The following VPS53 variants were observed in gnomAD, a reference collection of about 807,000 sequenced individuals.
The protein encoded by VPS53 is vacuolar protein sorting-associated protein 53 homolog.
In VPS53, 70 loss-of-function variants were observed where a neutral mutation model predicts 107.0. The observed-to-expected ratio is 0.65, with a 90% confidence interval of 0.54 to 0.80. The LOEUF (loss-of-function observed/expected upper bound fraction) is 0.80, where lower values mean the gene tolerates loss of function less well. Among genes scored for constraint, VPS53 ranks in the 30% least tolerant of loss-of-function variants. The pLI is 0.00. For synonymous variants in VPS53, 409 were observed against 393.3 expected, an observed-to-expected ratio of 1.04 and a Z score of -0.47; for missense variants, 917 against 1,049.4, an observed-to-expected ratio of 0.87 and a Z score of 1.74.
chr17:704,855 T>C (rs1973340802), intron 2 of VPS53, among the ~76,000 whole-genome samples: 1 of 152,246 alleles, frequency 6.6e-6, no homozygotes. Context: ...CTTCTTTTTG[T>C]TTTGGTGAAT....
intron 2 of VPS53, among the ~76,000 whole-genome samples, chr17:704,946 G>A (rs1973343467): frequency 6.6e-6 from 1 of 152,096 alleles, no homozygotes; most frequent in Non-Finnish European, 1.5e-5. Context: ...CATACAAAAT[G>A]ATGAGCTATA....
At chr17:709,528 C>T (rs992605237) in intron 2 of VPS53, among the ~76,000 whole-genome samples, 13 of 152,134 alleles carry the variant, frequency 8.5e-5, no homozygotes, top group African/African-American at 2.4e-4. Flanking sequence ...GTTTCCTTAC[C>T]GCACTGTCCC....
chr17:596,424 C>G (rs556595111), intron 12 of VPS53, among the ~76,000 whole-genome samples: 1 of 152,274 alleles, frequency 6.6e-6, no homozygotes, highest in African/African-American at 2.4e-5. Flanking sequence ...TGAGGCCCCA[C>G]AGGACACTCA....
intron 7 of VPS53, among the ~76,000 whole-genome samples, chr17:643,754 G>C (rs377144): frequency 1.4e-5 from 2 of 143,728 alleles, no homozygotes; most frequent in African/African-American, 2.6e-5. Context: ...TACTTGGAAA[G>C]CGAGGACAAC....
intron 2 of VPS53, among the ~76,000 whole-genome samples, chr17:702,168 C>G (rs1040271945): frequency 6.6e-6 from 1 of 152,008 alleles, no homozygotes; most frequent in African/African-American, 2.4e-5. Context: ...ACCTGGACAA[C>G]GTGGTGAAAC....
chr17:619,593 C>T (rs1597390787), intron 11 of VPS53, among the ~76,000 whole-genome samples: 1 of 107,464 alleles, frequency 9.3e-6, no homozygotes, highest in East Asian at 2.8e-4. Context: ...GCTAATATTT[C>T]CCGGGTAGCT....
chr17:664,126 T>C (rs1971582523), intron 4 of VPS53, among the ~76,000 whole-genome samples: 1 of 152,120 alleles, frequency 6.6e-6, no homozygotes, highest in African/African-American at 2.4e-5. Flanking sequence ...TTGCCCAGGC[T>C]AGAGTTAAGT....
At chr17:590,589 A>C (rs1445143031) in intron 12 of VPS53, among the ~76,000 whole-genome samples, 11 of 150,794 alleles carry the variant, frequency 7.3e-5, no homozygotes, top group Non-Finnish European at 1.0e-4. Context: ...TAGCATGAAG[A>C]GTTGTTGAAT....
At chr17:704,324 CCAGACAACCG>C (rs918262236) in intron 2 of VPS53, among the ~76,000 whole-genome samples, 29 of 152,226 alleles carry the variant, frequency 1.9e-4, no homozygotes, top group Middle Eastern at 3.4e-3. Flanking sequence ...TCAACAGGCT[CCAGACAACCG>C]CAGACACACA....
chr17:563,359 G>A (rs969714850), intron 13 of VPS53, among the ~76,000 whole-genome samples: 10 of 139,302 alleles, frequency 7.2e-5, no homozygotes, highest in African/African-American at 2.4e-4. Context: ...GCAGCGGCAT[G>A]ATCTTGGCCC....
intron 6 of VPS53, among the ~76,000 whole-genome samples, chr17:655,266 A>G (rs1249954856): frequency 6.6e-6 from 1 of 152,056 alleles, no homozygotes; most frequent in Non-Finnish European, 1.5e-5. Flanking sequence ...TCTATTTCTA[A>G]TGTTCTGATG....
intron 2 of VPS53, among the ~76,000 whole-genome samples, chr17:707,297 G>A (rs1387532937): frequency 3.3e-5 from 5 of 152,112 alleles, no homozygotes; most frequent in Non-Finnish European, 2.9e-5. Context: ...CGAGGCGGGC[G>A]GATCACCTGA....
At chr17:554,264 G>A (rs368514744) in intron 15 of VPS53, among the ~76,000 whole-genome samples, 3 of 152,146 alleles carry the variant, frequency 2.0e-5, no homozygotes, top group Admixed American at 6.5e-5. Flanking sequence ...GCCGACAGCC[G>A]GGGACAGAAA....
Position 521,651 on chromosome 17 carries a change from A to G in VPS53, c.2173T>C (p.Tyr725His). 1 of 1,551,462 alleles carries G rather than the reference A, an allele frequency of 6.4e-7. No individual in the cohort carries two copies. The highest frequency in any genetic ancestry group is 8.7e-7 in the Non-Finnish European group (1 of 1,146,678). ...SQVVRKAPAS[Y>H]TKIVVKGMTR... is the part of the protein sequence containing the mutation. Reference sequence around the variant, plus strand: ...ATGCCTTTGACAACGATCTTGGTGTAGCTGGCGGGTGCCTTCCTCACCACC... The same window carrying G: ...ATGCCTTTGACAACGATCTTGGTGTGGCTGGCGGGTGCCTTCCTCACCACC... Residue 725 changes from tyrosine (Y) to histidine (H), a missense_variant, in exon 20 of 22, where the codon TAC becomes CAC. Transcript: ENST00000437048.
At chr17:686,773 G>A (rs1054747168) in intron 4 of VPS53, among the ~76,000 whole-genome samples, 4 of 152,254 alleles carry the variant, frequency 2.6e-5, no homozygotes, top group Non-Finnish European at 4.4e-5. Context: ...CCAGTGGACT[G>A]TGTATCAGCA....
chr17:621,000 A>C (rs1328824349), intron 11 of VPS53, among the ~76,000 whole-genome samples: 6 of 152,222 alleles, frequency 3.9e-5, no homozygotes, highest in Non-Finnish European at 1.5e-5. Context: ...AACTTTGTTA[A>C]AGTACACACA....
chr17:632,119 CG>C (rs1567692147), intron 7 of VPS53, among the ~76,000 whole-genome samples: 1 of 151,996 alleles, frequency 6.6e-6, no homozygotes, highest in Admixed American at 6.6e-5. Flanking sequence ...TACCCAGGTG[CG>C]GGGGCACACA....
rs1213867470 is a variant in VPS53 at position 688,632 on chromosome 17, A to G, written c.285+8786T>C. On this transcript the variant is annotated intron_variant, in intron 4 of 21. Coordinates refer to ENST00000437048, the MANE Select transcript of VPS53 (RefSeq NM_001128159.3). ...CACTCTAGAAGCAGGCAAAATGAAC[A>G]GTCGCCCGCCCCGCCTCAACTACAA... is the stretch of plus-strand genomic sequence containing the variant. Among the ~76,000 whole-genome samples, 3 of 152,096 alleles carry G rather than the reference A, an allele frequency of 2.0e-5. No homozygotes were observed. The East Asian group carries it at 5.8e-4, about 29-fold the overall frequency.
At chr17:707,646 C>G (rs1183062546) in intron 2 of VPS53, among the ~76,000 whole-genome samples, 1 of 150,762 alleles carries the variant, frequency 6.6e-6, no homozygotes, top group Non-Finnish European at 1.5e-5. Context: ...CTCAGGAGTT[C>G]GAGACCAGCC....
Sources: allele counts gnomAD v4.1 joint callset (sites outside exome capture counted in the v4.1 genomes callset), GRCh38; gene constraint gnomAD v4.1.1; transcripts MANE v1.5; gene names NCBI Gene and HGNC (gene_info 2026-07-23, HGNC 2026-07-21).